PDCD1LG2: variants seen among roughly 807,000 people sequenced by gnomAD.
PDCD1LG2 encodes programmed cell death 1 ligand 2, also known as B7 dendritic cell molecule.
Under a neutral mutation model 28.2 loss-of-function variants are expected in PDCD1LG2, and 32 were observed. That is an observed-to-expected ratio of 1.13 (90% CI 0.86 to 1.52). PDCD1LG2 has a LOEUF of 1.52. PDCD1LG2 is among the 40% of genes most tolerant of loss of function. PDCD1LG2 has a pLI of 0.00. For missense variants in PDCD1LG2, 385 were observed against 323.8 expected (o/e 1.19, Z -1.45); for synonymous variants, 116 against 120.2 (o/e 0.97, Z 0.23).
At chr9:5,510,826 T>C (rs924240530) in intron 1 of PDCD1LG2, 23 bp downstream of exon 1, 43 of 141,698 alleles carry the variant, frequency 3.0e-4, no homozygotes, top group African/African-American at 1.1e-3. Context: ...TGGGTTGAGA[T>C]ACTCTCATAC....
chr9:5,554,434 G>A (rs1816396101), intron 4 of PDCD1LG2, among the ~76,000 whole-genome samples: 1 of 152,182 alleles, frequency 6.6e-6, no homozygotes, highest in South Asian at 2.1e-4. Context: ...TTTTTAAGTT[G>A]TCTTATGACT....
chr9:5,556,131 G>C (rs1816436255), intron 4 of PDCD1LG2, among the ~76,000 whole-genome samples: 1 of 152,162 alleles, frequency 6.6e-6, no homozygotes, highest in African/African-American at 2.4e-5. Context: ...ATTTCCTACT[G>C]GATGTTCAAC....
At chr9:5,558,013 C>T (rs955285161) in intron 5 of PDCD1LG2, among the ~76,000 whole-genome samples, 1 of 152,174 alleles carries the variant, frequency 6.6e-6, no homozygotes, top group Non-Finnish European at 1.5e-5. Context: ...TTCTTTGAGC[C>T]AAGAGCTTTC....
intron 5 of PDCD1LG2, among the ~76,000 whole-genome samples, chr9:5,561,904 T>C (rs956535869): frequency 1.3e-5 from 2 of 152,146 alleles, no homozygotes; most frequent in African/African-American, 4.8e-5. Context: ...CAGGCATAAA[T>C]GAGGTACCCA....
intron 3 of PDCD1LG2, among the ~76,000 whole-genome samples, chr9:5,535,561 G>T (rs1235056748): frequency 1.3e-5 from 2 of 152,150 alleles, no homozygotes; most frequent in Non-Finnish European, 2.9e-5. Context: ...CGACATCACA[G>T]AGTAGGACTG....
intron 5 of PDCD1LG2, among the ~76,000 whole-genome samples, chr9:5,560,642 C>T (rs896725195): frequency 7.3e-5 from 11 of 150,246 alleles, no homozygotes; most frequent in South Asian, 6.2e-4. Flanking sequence ...GAGCCTGGGA[C>T]GCCAGTCCTA....
Position 5,569,664 on chromosome 9 carries a change from G to A in PDCD1LG2, c.817-290G>A, listed in dbSNP as rs1195940830. On this transcript the variant is annotated intron_variant, in intron 6 of 6. Coordinates refer to ENST00000397747, the MANE Select transcript of PDCD1LG2 (RefSeq NM_025239.4). The surrounding 1 kb of genome is among the most constrained non-coding windows in gnomAD (Gnocchi z 4.1). Reference sequence around the variant, plus strand: ...ACAATAGGGAACTATAAGAGGTTTTGAATAGGAGAGGCCCCTGAAATGTGC... The same window carrying A: ...ACAATAGGGAACTATAAGAGGTTTTAAATAGGAGAGGCCCCTGAAATGTGC... Among the ~76,000 whole-genome samples the A allele has an allele frequency of 6.6e-6, 1 of 152,180 alleles. No homozygotes were observed. Among genetic ancestry groups the A allele is most frequent in the Non-Finnish European group, 1.5e-5 (1 of 68,030 alleles).
intron 3 of PDCD1LG2, among the ~76,000 whole-genome samples, chr9:5,535,267 G>A (rs1820558004): frequency 6.6e-6 from 1 of 152,182 alleles, no homozygotes; most frequent in African/African-American, 2.4e-5. Flanking sequence ...AGGACCTATA[G>A]GAATAAAATG....
intron 2 of PDCD1LG2, among the ~76,000 whole-genome samples, chr9:5,531,449 T>C (rs1366320033): frequency 1.3e-5 from 2 of 152,216 alleles, no homozygotes; most frequent in African/African-American, 2.4e-5. Flanking sequence ...TTCAGACATA[T>C]GATTCATGTT....
chr9:5,569,330 G>C lies in PDCD1LG2; in HGVS notation c.817-624G>C, dbSNP rs1349166068. On this transcript the variant is annotated intron_variant, in intron 6 of 6. Transcript: ENST00000397747. This position sits in a 1 kb window ranked among gnomAD's most constrained non-coding sequence, Gnocchi z 4.1. ...GAAGGTGACTATTCCTAGGTCTGAA[G>C]GAGAAAGGGGAGGGAGCAGTTCCCA... Among the ~76,000 whole-genome samples, 1 of 152,178 alleles carries C rather than the reference G, an allele frequency of 6.6e-6. No homozygotes were observed. Among genetic ancestry groups the C allele is most frequent in the African/African-American group, 2.4e-5 (1 of 41,438 alleles).
At chr9:5,538,467 T>C (rs561365268) in intron 3 of PDCD1LG2, among the ~76,000 whole-genome samples, 5 of 151,554 alleles carry the variant, frequency 3.3e-5, no homozygotes, top group Non-Finnish European at 7.4e-5. Context: ...GGGTGGATCA[T>C]GAGGTCAGGA....
In PDCD1LG2 at chr9:5,570,805, T is replaced by A. The variant is rs886223966; in HGVS notation, c.*846T>A. The A allele has an allele frequency of 4.3e-6, 1 of 232,772 alleles. No individual in the cohort carries two copies. Among genetic ancestry groups the A allele is most frequent in the Non-Finnish European group, 8.5e-6 (1 of 117,734 alleles). The allele number at this position is 232,772 out of a possible 1,614,324, so 14.4% of individuals were successfully genotyped here. ...AGCTAAAATGGCCAAAGCCCCAAAC[T>A]AAGCCTCCTTTTCTGGCCCTCAATA... On this transcript the variant is annotated 3_prime_UTR_variant, in exon 7 of 7. Coordinates refer to ENST00000397747, the MANE Select transcript of PDCD1LG2 (RefSeq NM_025239.4).
At chr9:5,512,310 G>T (rs189154405) in intron 1 of PDCD1LG2, among the ~76,000 whole-genome samples, 45 of 152,276 alleles carry the variant, frequency 3.0e-4, no homozygotes, top group African/African-American at 1.0e-3. Flanking sequence ...AGAATTCCAG[G>T]ACAGACAAGA....
Position 5,549,548 on chromosome 9 carries a change from G to T in PDCD1LG2, c.575G>T (p.Cys192Phe). The T allele has an allele frequency of 6.2e-7, 1 of 1,614,216 alleles. No individual in the cohort carries two copies. Among genetic ancestry groups the T allele is most frequent in the Non-Finnish European group, 8.5e-7 (1 of 1,180,034 alleles). The change falls in exon 4 of 7, where the codon TGT becomes TTT. Residue 192 changes from cysteine (C) to phenylalanine (F), a missense_variant. Physicochemically the swap from Cys to Phe is radical, Grantham distance 205. Transcript: ENST00000397747. Reference protein sequence around the residue: ...LKPPPGRNFSCVFWNTHVREL... With the variant: ...LKPPPGRNFSFVFWNTHVREL... Reference sequence around the variant, plus strand: ...CCACCCCCTGGCAGAAACTTCAGCTGTGTGTTCTGGAATACTCACGTGAGG... The same window carrying T: ...CCACCCCCTGGCAGAAACTTCAGCTTTGTGTTCTGGAATACTCACGTGAGG...
At chr9:5,528,905 T>C (rs776930796) in intron 2 of PDCD1LG2, among the ~76,000 whole-genome samples, 2 of 152,148 alleles carry the variant, frequency 1.3e-5, no homozygotes, top group Non-Finnish European at 2.9e-5. Flanking sequence ...TATGTTTGTA[T>C]TTTCAGTAGA....
chr9:5,513,914 T>C (rs575379904), intron 1 of PDCD1LG2, among the ~76,000 whole-genome samples: 18 of 152,368 alleles, frequency 1.2e-4, no homozygotes, highest in African/African-American at 4.3e-4. Context: ...ACATTGCTAA[T>C]TACAATTAGT....
intron 6 of PDCD1LG2, among the ~76,000 whole-genome samples, chr9:5,564,775 C>T (rs573094278): frequency 5.3e-4 from 80 of 152,374 alleles, no homozygotes; most frequent in Admixed American, 1.2e-3. Context: ...AGTTGAGCTG[C>T]TCCACCAACA....
chr9:5,530,487 A>AC (rs796612695), intron 2 of PDCD1LG2, among the ~76,000 whole-genome samples: 10,855 of 151,836 alleles, frequency 0.071, 1,271 homozygotes, highest in African/African-American at 0.24. Context: ...AAAAAAAAAA[A>AC]AACTCACTCA....
At chr9:5,565,085 T>C (rs1037411304) in intron 6 of PDCD1LG2, among the ~76,000 whole-genome samples, 2 of 152,230 alleles carry the variant, frequency 1.3e-5, no homozygotes, top group Non-Finnish European at 2.9e-5. Context: ...GCCCAAGGTA[T>C]ATAGCTAATA....
Sources: gnomAD v4.1 joint callset for allele counts (sites outside exome capture counted in the v4.1 genomes callset) on GRCh38, gnomAD v4.1.1 for gene constraint, Gnocchi (gnomAD v3.1) non-coding constraint, MANE v1.5 for transcripts, NCBI Gene and HGNC (gene_info 2026-07-23, HGNC 2026-07-21) for gene names.